PRRC2A: variants seen among roughly 807,000 people sequenced by gnomAD.
The protein encoded by PRRC2A is protein PRRC2A.
Under a neutral mutation model 224.6 loss-of-function variants are expected in PRRC2A, and 59 were observed. The observed-to-expected ratio is 0.26, with a 90% CI of 0.21 to 0.33. PRRC2A has a LOEUF of 0.33. PRRC2A is among the 10% of genes least tolerant of loss of function. The probability of loss-of-function intolerance (pLI) is 1.00; values close to 1 mark genes in which losing one functional copy is unlikely to be tolerated. For synonymous variants in PRRC2A, 1,194 were observed against 1,109.5 expected (o/e 1.08, Z -1.51); for missense variants, 3,095 against 2,880.7 (o/e 1.07, Z -1.70).
chr6:31,635,956 C>G lies in PRRC2A; in HGVS notation c.5542-11C>G. 6.2e-7 allele frequency: 1 copy of G among 1,603,794 alleles called. No homozygotes were observed. The highest frequency in any genetic ancestry group is 1.1e-5 in the South Asian group (1 of 90,214). Reference sequence around the variant, plus strand: ...TACTAAAGCTGTTTCAACCGTGCTCCTCTCCTGCAGATCTCTGGGGGAGCC... The same window carrying G: ...TACTAAAGCTGTTTCAACCGTGCTCGTCTCCTGCAGATCTCTGGGGGAGCC... On this transcript the variant is annotated splice_polypyrimidine_tract_variant and intron_variant, in intron 24 of 30. Coordinates refer to ENST00000376033, the MANE Select transcript of PRRC2A (RefSeq NM_004638.4).
intron 12 of PRRC2A, 199 bp from the exon 13 acceptor site, chr6:31,628,945 G>A (rs902641794): frequency 3.5e-6 from 2 of 572,254 alleles, no homozygotes; most frequent in Non-Finnish European, 6.1e-6. Context: ...TTCATAGAAA[G>A]TTAATGCCAC....
In PRRC2A at chr6:31,627,959, A is replaced by C; in HGVS notation, c.1485A>C (p.Glu495Asp). 4 of 1,613,008 alleles carry C rather than the reference A, an allele frequency of 2.5e-6. No homozygotes were observed. Among genetic ancestry groups the C allele is most frequent in the Non-Finnish European group, 3.4e-6 (4 of 1,180,018 alleles). ...CTGAGAAGCTCAAGCGACTCGATGA[A>C]AAGTTTGGGGCACCTGACAAGCGGC... ...ACAEKLKRLD[E>D]KFGAPDKRLK... The change falls in exon 12 of 31, where the codon GAA (glutamate) becomes GAC (aspartate). Residue 495 changes from glutamate (E) to aspartate (D), a missense_variant. By Grantham distance (45) the Glu-to-Asp change is conservative. Transcript: ENST00000376033. The surrounding 1 kb of genome is among the most constrained non-coding windows in gnomAD (Gnocchi z 5.6).
In PRRC2A at chr6:31,631,878, G is replaced by A; in HGVS notation, c.3205G>A (p.Gly1069Arg). The change falls in exon 16 of 31, where the codon GGG becomes AGG. Residue 1069 changes from glycine to arginine, a missense_variant. Gly to Arg is a moderately radical substitution (Grantham distance 125, BLOSUM62 -2). Around this residue, in one of 8 missense-constraint regions of PRRC2A, gnomAD observed 2,001 missense variants for 1,764.9 expected, o/e 1.13. Transcript: ENST00000376033. The surrounding 1 kb of genome is among the most constrained non-coding windows in gnomAD (Gnocchi z 4.5). ...EFRGDDGRGGGTGGPNHPPAP... is the reference protein window; with the variant it reads ...EFRGDDGRGGRTGGPNHPPAP... Reference sequence around the variant, plus strand: ...TCGAGGAGATGATGGGCGTGGAGGTGGGACAGGGGGACCAAACCACCCTCC... The same window carrying A: ...TCGAGGAGATGATGGGCGTGGAGGTAGGACAGGGGGACCAAACCACCCTCC... 2 of 1,610,720 alleles carry A rather than the reference G, an allele frequency of 1.2e-6. No homozygotes were observed. The highest frequency in any genetic ancestry group is 1.7e-6 in the Non-Finnish European group (2 of 1,179,080).
rs750350031 is a variant in PRRC2A, at chr6:31,635,238, C to A, written c.5267C>A (p.Pro1756His). ...EPGPIRPSHRPGPPVQFGTSD... is the reference protein window; with the variant it reads ...EPGPIRPSHRHGPPVQFGTSD... ...GGCCCCATTCGGCCATCCCATCGACCTGGTCCCCCAGTCCAGTTTGGCACT... is the reference window on the plus strand; with the variant it reads ...GGCCCCATTCGGCCATCCCATCGACATGGTCCCCCAGTCCAGTTTGGCACT... The change falls in exon 22 of 31, where the codon CCT becomes CAT. Residue 1756 changes from proline (P) to histidine (H), a missense_variant. Around this residue, in one of 8 missense-constraint regions of PRRC2A, gnomAD observed 662 missense variants for 609.5 expected, o/e 1.09. Coordinates refer to ENST00000376033, the MANE Select transcript of PRRC2A (RefSeq NM_004638.4). 20 of 1,614,120 alleles carry A rather than the reference C, an allele frequency of 1.2e-5. No individual in the cohort carries two copies. Among genetic ancestry groups the A allele is most frequent in the Middle Eastern group, 1.6e-4 (1 of 6,084 alleles).
In PRRC2A at chr6:31,635,190, G is replaced by A. The variant is rs1046089; in HGVS notation, c.5219G>A (p.Arg1740His). ...PGPIGTERSQ[R>H]TDRGTEPGPI... ...CCCATTGGCACAGAACGATCACAGCGTACAGACCGAGGCACAGAGCCTGGC... is the reference window on the plus strand; with the variant it reads ...CCCATTGGCACAGAACGATCACAGCATACAGACCGAGGCACAGAGCCTGGC... The change falls in exon 22 of 31, where the codon CGT becomes CAT. Residue 1740 changes from arginine to histidine, a missense_variant. Arg to His is a conservative substitution (Grantham distance 29). Transcript: ENST00000376033. 578,568 of 1,613,872 alleles carry A rather than the reference G, an allele frequency of 0.36. 106,562 individuals carry two copies. The highest frequency in any genetic ancestry group is 0.51 in the African/African-American group (38,046 of 74,952).
At chr6:31,629,121 C>A (rs1776245999) in intron 12 of PRRC2A, 23 bp from the exon 13 acceptor site, 1 of 1,612,964 alleles carries the variant, frequency 6.2e-7, no homozygotes, top group South Asian at 1.1e-5. Flanking sequence ...CTAGATCACT[C>A]TGTTGTGTTT....
At chr6:31,635,783 G>A in intron 24 of PRRC2A, 34 bp downstream of exon 24, 1 of 1,547,340 alleles carries the variant, frequency 6.5e-7, no homozygotes, top group Non-Finnish European at 8.7e-7. Context: ...GACCCCTTCA[G>A]TGAATAATAA....
At chr6:31,624,427 C>T (rs768223920) in intron 4 of PRRC2A, 23 bp from the exon 5 acceptor site, 2 of 1,610,840 alleles carry the variant, frequency 1.2e-6, no homozygotes, top group East Asian at 4.5e-5. Context: ...CATCATTTAT[C>T]ATCTTTCTGA....
rs1299273528 is a variant in PRRC2A at position 31,633,856 on chromosome 6, C to T, written c.4589-3C>T. The T allele has an allele frequency of 1.3e-6, 2 of 1,574,114 alleles. No homozygotes were observed. The highest frequency in any genetic ancestry group is 1.7e-6 in the Non-Finnish European group (2 of 1,169,028). ...AGATGCTGACCCTTTTTCTCTTTCC[C>T]AGACCCCCACTTTGAGGAGCCGGGG... On this transcript the variant is annotated splice_polypyrimidine_tract_variant and splice_region_variant and intron_variant, in intron 17 of 30. Transcript: ENST00000376033.
chr6:31,625,792 A>G lies in PRRC2A; in HGVS notation c.760A>G (p.Met254Val), dbSNP rs1003130946. ...PPYRGMMPPF[M>V]YPPYLPFPPP... ...CAGCTACTGTTGGACCCTTTTACAGATGTATCCCCCATATCTCCCGTTCCC... is the reference window on the plus strand; with the variant it reads ...CAGCTACTGTTGGACCCTTTTACAGGTGTATCCCCCATATCTCCCGTTCCC... The change falls in exon 8 of 31, where the codon ATG (methionine) becomes GTG (valine). Residue 254 changes from methionine (M) to valine (V), a missense_variant and splice_region_variant. Physicochemically the swap from Met to Val is conservative, Grantham distance 21. This residue lies in a region of PRRC2A where 287 missense variants were observed against 275.3 expected (regional missense o/e 1.04). Coordinates refer to ENST00000376033, the MANE Select transcript of PRRC2A (RefSeq NM_004638.4). This position sits in a 1 kb window ranked among gnomAD's most constrained non-coding sequence, Gnocchi z 4.1. 1.3e-6 allele frequency: 2 copies of G among 1,573,582 alleles called. No individual in the cohort carries two copies. Among genetic ancestry groups the G allele is most frequent in the Non-Finnish European group, 1.7e-6 (2 of 1,143,792 alleles).
At position 31,636,890 on chromosome 6, in the gene PRRC2A, C is replaced by T; in HGVS notation, c.6092C>T (p.Thr2031Ile). 3 of 1,613,022 alleles carry T rather than the reference C, an allele frequency of 1.9e-6. No homozygotes were observed. The highest frequency in any genetic ancestry group is 2.5e-6 in the Non-Finnish European group (3 of 1,179,998). Reference protein sequence around the residue: ...LAVRPPPAPATRVLPSPARPF... With the variant: ...LAVRPPPAPAIRVLPSPARPF... The stretch of plus-strand genomic sequence containing the variant: ...GTGCGGCCCCCACCTGCTCCTGCTA[C>T]TCGGGTGCTGCCTTCACCTGCCAGG... Residue 2031 changes from threonine to isoleucine, a missense_variant, in exon 28 of 31, where the codon ACT (threonine) becomes ATT (isoleucine). Physicochemically the swap from Thr to Ile is moderately conservative, Grantham distance 89. Transcript: ENST00000376033. The surrounding 1 kb of genome is among the most constrained non-coding windows in gnomAD (Gnocchi z 4.3).
rs568700959 is a variant in PRRC2A at position 31,636,410 on chromosome 6, G to A, written c.5826G>A (p.Ser1942=). 5 of 1,612,808 alleles carry A rather than the reference G, an allele frequency of 3.1e-6. No individual in the cohort carries two copies. Among genetic ancestry groups the A allele is most frequent in the Admixed American group, 1.7e-5 (1 of 60,008 alleles). ...GCCCCAGTCCTTTGCCTGACACATCGTTGCTTCAGGTAAGAGGGGGGCAGG... is the reference window on the plus strand; with the variant it reads ...GCCCCAGTCCTTTGCCTGACACATCATTGCTTCAGGTAAGAGGGGGGCAGG... ...AFCPSPLPDT[S]LLQVRQDLPS... is the part of the protein sequence containing the mutation. The change falls in exon 26 of 31, where the codon TCG becomes TCA. Residue 1942 remains serine, a synonymous_variant. Transcript: ENST00000376033. The surrounding 1 kb of genome is among the most constrained non-coding windows in gnomAD (Gnocchi z 4.3).
rs1777200640 is a variant in PRRC2A at position 31,635,330 on chromosome 6, AGGT to A, written c.5301+61_5302-59del. The A allele has an allele frequency of 2.5e-6, 4 of 1,613,842 alleles. No homozygotes were observed. The African/African-American group carries it at 4.0e-5, about 16-fold the overall frequency. On this transcript the variant is annotated intron_variant, in intron 22 of 30. Coordinates refer to ENST00000376033, the MANE Select transcript of PRRC2A (RefSeq NM_004638.4). ...TGGGTGGAGAGAAGGGAAGGACTAA[AGGT>A]GGGACATAGAGGACACATGTCTGTC...
At chr6:31,629,523 C>G in intron 13 of PRRC2A, 25 bp from the exon 14 acceptor site, 1 of 1,478,010 alleles carries the variant, frequency 6.8e-7, no homozygotes, top group Non-Finnish European at 9.4e-7. Context: ...GAGCCTCTCT[C>G]ATCTTGTCTT....
At chr6:31,630,539 G>A in intron 14 of PRRC2A, 52 bp from the exon 15 acceptor site, 1 of 1,594,774 alleles carries the variant, frequency 6.3e-7, no homozygotes, top group Non-Finnish European at 8.6e-7. Flanking sequence ...TTTTGGGCTG[G>A]AGGGCTTGTG....
intron 10 of PRRC2A, 53 bp from the exon 11 acceptor site, chr6:31,626,929 G>A (rs1194314878): frequency 6.2e-7 from 1 of 1,608,086 alleles, no homozygotes; most frequent in Non-Finnish European, 8.5e-7. Context: ...TATACTCTTA[G>A]AGGAGTATAT....
rs1020101143 is a variant in PRRC2A at position 31,627,180 on chromosome 6, C to T, written c.1272C>T (p.Gly424=). 5 of 1,609,254 alleles carry T rather than the reference C, an allele frequency of 3.1e-6. No homozygotes were observed. The African/African-American group carries it at 5.3e-5, about 17-fold the overall frequency. ...ACCGGGGCCCCGCCGGGAACTGGGG[C>T]CCCCCTGGGGACTACCCAGTGAGTG... The part of the protein sequence containing the change: ...PPHRGPAGNW[G]PPGDYPDRGG... The change falls in exon 11 of 31, where the codon GGC becomes GGT. Residue 424 remains glycine, a synonymous_variant. Transcript: ENST00000376033. The surrounding 1 kb of genome is among the most constrained non-coding windows in gnomAD (Gnocchi z 5.6).
Position 31,623,871 on chromosome 6 carries a change from A to G in PRRC2A, c.252A>G (p.Thr84=). Residue 84 remains threonine (T), a synonymous_variant, in exon 3 of 31, where the codon ACA becomes ACG. Transcript: ENST00000376033. ...TCTCACTAGTGCCAAAAGACGGAACAGGATGGGCAAGCAAACAGGAGCAGT... is the reference window on the plus strand; with the variant it reads ...TCTCACTAGTGCCAAAAGACGGAACGGGATGGGCAAGCAAACAGGAGCAGT... ...PNVSLVPKDG[T]GWASKQEQSD... 6.2e-7 allele frequency: 1 copy of G among 1,614,242 alleles called. No individual in the cohort carries two copies. The highest frequency in any genetic ancestry group is 8.5e-7 in the Non-Finnish European group (1 of 1,180,040).
In PRRC2A at chr6:31,627,586, T is replaced by C. The variant is rs962326347; in HGVS notation, c.1291-179T>C. Among the ~76,000 whole-genome samples, 1 of 152,044 alleles carries C rather than the reference T, an allele frequency of 6.6e-6. No individual in the cohort carries two copies. Among genetic ancestry groups the C allele is most frequent in the African/African-American group, 2.4e-5 (1 of 41,388 alleles). On this transcript the variant is annotated intron_variant, in intron 11 of 30. Coordinates refer to ENST00000376033, the MANE Select transcript of PRRC2A (RefSeq NM_004638.4). The surrounding 1 kb of genome is among the most constrained non-coding windows in gnomAD (Gnocchi z 5.6). ...AAGTTCAAGACCAGCCTGGGCAACA[T>C]AGCAAGACGTGGTCTCAAAGAAGAC...
Sources: allele counts gnomAD v4.1 joint callset (sites outside exome capture counted in the v4.1 genomes callset), GRCh38; gene constraint gnomAD v4.1.1; regional missense constraint gnomAD v4.1.1; non-coding constraint Gnocchi (gnomAD v3.1); transcripts MANE v1.5; gene names NCBI Gene and HGNC (gene_info 2026-07-23, HGNC 2026-07-21).